DUSP18: variants seen among roughly 807,000 people sequenced by gnomAD.
The protein encoded by DUSP18 is dual specificity protein phosphatase 18.
In DUSP18, 4 loss-of-function variants were observed where a neutral mutation model predicts 6.3. The observed-to-expected ratio is 0.63, with a 90% CI of 0.31 to 1.45. DUSP18 has a LOEUF of 1.45. DUSP18 is among the 40% of genes most tolerant of loss of function. The probability of loss-of-function intolerance (pLI) is 0.07; values close to 1 mark genes in which losing one functional copy is unlikely to be tolerated. For synonymous variants in DUSP18, 96 were observed against 95.1 expected (o/e 1.01, Z -0.05); for missense variants, 235 against 247.7 (o/e 0.95, Z 0.34).
chr22:30,666,873 G>C (rs1417643522), intron 1 of DUSP18: 1 of 152,188 alleles, frequency 6.6e-6, no homozygotes, highest in Non-Finnish European at 1.5e-5. Flanking sequence ...GCTTGGCATA[G>C]AGTAAGCCCT....
Position 30,662,085 on chromosome 22 carries a change from T to C in DUSP18, c.*1352A>G, listed in dbSNP as rs1411432989. On this transcript the variant is annotated 3_prime_UTR_variant, in exon 2 of 2. Transcript: ENST00000334679. ...GGTAACTTTTTGGAAGAGTACTTTG[T>C]AACAATAAAGTGCTGTGCACAGAAA... The C allele has an allele frequency of 6.6e-6, 1 of 151,436 alleles. No homozygotes were observed. The highest frequency in any genetic ancestry group is 6.6e-5 in the Admixed American group (1 of 15,166). 9.4% of individuals were successfully genotyped at this position (151,436 alleles called of 1,614,324 possible).
rs896622541 is a variant in DUSP18, at chr22:30,653,622, C to A, written c.*34-1325G>T. On this transcript the variant is annotated intron_variant, in intron 2 of 2. Transcript: ENST00000404885. ...TCCTGATCTCAAGTGACCCGCCCCC[C>A]CTCGGCCTCCCAAAGTGCTTGGGAT... 3.9e-5 allele frequency among the ~76,000 whole-genome samples: 6 copies of A among 152,162 alleles called. No individual in the cohort carries two copies. The South Asian group carries it at 6.2e-4, about 16-fold the overall frequency.
chr22:30,663,934 T>G lies in DUSP18; in HGVS notation c.70A>C (p.Thr24Pro). Residue 24 changes from threonine (T) to proline (P), a missense_variant, in exon 2 of 2, where the codon ACC becomes CCC. Physicochemically the swap from Thr to Pro is conservative, Grantham distance 38 (BLOSUM62 -1). Transcript: ENST00000334679. ...CCATTGCTGATATACAGGCTTTTGG[T>G]TATCTGCGAGAGGCCGCTGACTGAG... ...QPSVSGLSQI[T>P]KSLYISNGVA... The G allele has an allele frequency of 6.2e-7, 1 of 1,614,166 alleles. No individual in the cohort carries two copies. Among genetic ancestry groups the G allele is most frequent in the East Asian group, 2.2e-5 (1 of 44,882 alleles).
rs1452314440 is a variant in DUSP18, at chr22:30,663,014, G to T, written c.*423C>A. 1 of 165,466 alleles carries T rather than the reference G, an allele frequency of 6.0e-6. No homozygotes were observed. Among genetic ancestry groups the T allele is most frequent in the Non-Finnish European group, 1.3e-5 (1 of 75,722 alleles). 10.2% of individuals were successfully genotyped at this position (165,466 alleles called of 1,614,324 possible). On this transcript the variant is annotated 3_prime_UTR_variant, in exon 2 of 2. Transcript: ENST00000334679. The stretch of plus-strand genomic sequence containing the variant: ...TTTATCTAGTAGATTGGCACTCACT[G>T]TAAGAAGCGCAAGAGGTACCATGAT...
chr22:30,667,439 T>A (rs2088718086), intron 1 of DUSP18, 23 bp downstream of exon 1: 1 of 152,202 alleles, frequency 6.6e-6, no homozygotes, highest in African/African-American at 2.4e-5. Flanking sequence ...GCCTGCTTAG[T>A]GTCAGGACCC....
downstream of DUSP18, among the ~76,000 whole-genome samples, chr22:30,658,407 C>G (rs2088390381): frequency 6.6e-6 from 1 of 151,060 alleles, no homozygotes; most frequent in African/African-American, 2.4e-5. Context: ...TTGGGGGTAG[C>G]AGCAGTAACA....
At chr22:30,658,513 C>T (rs966230877), downstream of DUSP18, among the ~76,000 whole-genome samples, 6 of 151,906 alleles carry the variant, frequency 3.9e-5, no homozygotes, top group South Asian at 2.1e-4. Flanking sequence ...GGGGAATCTC[C>T]GTTGCCTTTT....
At chr22:30,655,429 C>CAAAAA (rs5844917) in intron 2 of DUSP18, among the ~76,000 whole-genome samples, 54 of 111,428 alleles carry the variant, frequency 4.8e-4, no homozygotes, top group African/African-American at 1.0e-3. Flanking sequence ...GAGATCCTAC[C>CAAAAA]AAAAAAAAAA....
intron 1 of DUSP18, among the ~76,000 whole-genome samples, chr22:30,666,634 A>AAAAAAAAAAAAAAAAAAAAAAAC (rs2088679982): frequency 6.6e-6 from 1 of 151,020 alleles, no homozygotes; most frequent in Non-Finnish European, 1.5e-5. Context: ...AAAAAAAAAA[A>AAAAAAAAAAAAAAAAAAAAAAAC]AAAAAAAAAA....
intron 2 of DUSP18, among the ~76,000 whole-genome samples, chr22:30,655,442 A>C (rs1345869134): frequency 6.6e-6 from 1 of 151,548 alleles, no homozygotes; most frequent in African/African-American, 2.4e-5. Flanking sequence ...AAAAAAAAAA[A>C]AAAAAAGAAA....
chr22:30,659,586 G>A (rs182849651), downstream of DUSP18, among the ~76,000 whole-genome samples: 1 of 152,062 alleles, frequency 6.6e-6, no homozygotes, highest in African/African-American at 2.4e-5. Flanking sequence ...TGGCCAGGGT[G>A]GTCTCGAACT....
chr22:30,666,813 A>G lies in DUSP18; in HGVS notation c.-78+649T>C, dbSNP rs574137268. 8 of 152,274 alleles carry G rather than the reference A, an allele frequency of 5.3e-5. No individual in the cohort carries two copies. In the East Asian group the frequency reaches 1.5e-3, roughly 29 times the overall value. The allele number at this position is 152,274 out of a possible 1,614,324, so 9.4% of individuals were successfully genotyped here. A position where few individuals can be genotyped will look rare whatever the true frequency, so the allele number is the denominator to read the frequency against. ...ATAGGATAACAGTACCTACCTTAAA[A>G]GGATGTTGTGAAATTAAACGAGATA... On this transcript the variant is annotated intron_variant, in intron 1 of 1. Transcript: ENST00000334679.
At chr22:30,666,711 C>T (rs2088685582) in intron 1 of DUSP18, 1 of 150,452 alleles carries the variant, frequency 6.6e-6, no homozygotes, top group Non-Finnish European at 1.5e-5. Context: ...AGGCATGGCC[C>T]CTTTTCTCAG....
At chr22:30,664,123 G>T in intron 1 of DUSP18, 43 bp from the exon 2 acceptor site, 1 of 935,676 alleles carries the variant, frequency 1.1e-6, no homozygotes, top group Non-Finnish European at 1.6e-6. Context: ...GTGCCCAGAG[G>T]GCCAATTCCA....
In DUSP18 at chr22:30,663,463, C is replaced by T. The variant is rs776648187; in HGVS notation, c.541G>A (p.Glu181Lys). The T allele has an allele frequency of 3.7e-6, 6 of 1,611,942 alleles. No homozygotes were observed. The highest frequency in any genetic ancestry group is 5.1e-6 in the Non-Finnish European group (6 of 1,178,076). Residue 181 changes from glutamate (E) to lysine (K), a missense_variant, in exon 2 of 2, where the codon GAA (glutamate) becomes AAA (lysine). Transcript: ENST00000334679. The part of the protein sequence containing the change: ...VGMIPDIYEK[E>K]VRLMIPL ...CACAGTGGAATCATCAAACGGACTTCCTTCTCATAGATGTCAGGGATCATT... is the reference window on the plus strand; with the variant it reads ...CACAGTGGAATCATCAAACGGACTTTCTTCTCATAGATGTCAGGGATCATT...
At chr22:30,664,272 GGGGT>G (rs1387035415) in intron 1 of DUSP18, among the ~76,000 whole-genome samples, 192 bp from the exon 2 acceptor site, 6 of 152,118 alleles carry the variant, frequency 3.9e-5, no homozygotes, top group Non-Finnish European at 8.8e-5. Context: ...TCAGACTCTC[GGGGT>G]GAAGAGCATG....
chr22:30,653,051 C>G (rs190413506), intron 2 of DUSP18, among the ~76,000 whole-genome samples: 1 of 152,322 alleles, frequency 6.6e-6, no homozygotes, highest in African/African-American at 2.4e-5. Context: ...TGGGTGGGGT[C>G]TTGTCAGCCA....
At chr22:30,655,002 G>A (rs1026950402) in intron 2 of DUSP18, among the ~76,000 whole-genome samples, 5 of 152,118 alleles carry the variant, frequency 3.3e-5, no homozygotes, top group African/African-American at 9.7e-5. Context: ...GAACCAAGAC[G>A]ACCTTGTGCA....
downstream of DUSP18, among the ~76,000 whole-genome samples, chr22:30,659,943 A>G (rs2088425600): frequency 6.6e-6 from 1 of 152,224 alleles, no homozygotes; most frequent in Non-Finnish European, 1.5e-5. Flanking sequence ...GCACACGTAG[A>G]AAGCACCAGA....
Sources: allele counts gnomAD v4.1 joint callset (sites outside exome capture counted in the v4.1 genomes callset), GRCh38; gene constraint gnomAD v4.1.1; transcripts MANE v1.5; gene names NCBI Gene and HGNC (gene_info 2026-07-23, HGNC 2026-07-21).